SYNPR: variants seen among roughly 807,000 people sequenced by gnomAD.
The protein encoded by SYNPR is synaptoporin.
Under a neutral mutation model 32.9 loss-of-function variants are expected in SYNPR, and 23 were observed. That is an observed-to-expected ratio of 0.70 (90% CI 0.50 to 0.99). The LOEUF (loss-of-function observed/expected upper bound fraction) is 0.99. Among genes scored for constraint, SYNPR ranks in the 50% least tolerant of loss-of-function variants. The pLI, the probability that SYNPR is intolerant of heterozygous loss-of-function variation, is 0.00. For synonymous variants in SYNPR, 146 were observed against 135.9 expected (o/e 1.07, Z -0.52); for missense variants, 318 against 349.3 (o/e 0.91, Z 0.71).
chr3:63,445,757 G>A (rs928671915), intron 2 of SYNPR, among the ~76,000 whole-genome samples: 3 of 152,094 alleles, frequency 2.0e-5, no homozygotes, highest in Non-Finnish European at 2.9e-5. Context: ...GATGAGTCTC[G>A]GAACCAGGCA....
intron 3 of SYNPR, among the ~76,000 whole-genome samples, chr3:63,481,485 T>G (rs1307669327): frequency 6.7e-6 from 1 of 148,842 alleles, no homozygotes; most frequent in Non-Finnish European, 1.5e-5. Flanking sequence ...ACATATAAAG[T>G]GAACTGTTCC....
intron 2 of SYNPR, among the ~76,000 whole-genome samples, chr3:63,296,114 G>A (rs17310722): frequency 6.6e-6 from 1 of 152,030 alleles, no homozygotes; most frequent in African/African-American, 2.4e-5. Context: ...AGTGATAAGA[G>A]GTGTGGCATA....
chr3:63,424,108 T>G (rs1404804873), intron 2 of SYNPR, among the ~76,000 whole-genome samples: 1 of 152,202 alleles, frequency 6.6e-6, no homozygotes. Context: ...GAATAAATTA[T>G]GAGCTTAAGT....
Position 63,564,195 on chromosome 3 carries a change from C to CTTT in SYNPR, c.408+7467_408+7469dup, listed in dbSNP as rs151331065. Among the ~76,000 whole-genome samples, 494 of 137,712 alleles carry CTTT rather than the reference C, an allele frequency of 3.6e-3. 5 individuals are homozygous for CTTT. Among genetic ancestry groups the CTTT allele is most frequent in the African/African-American group, 0.012 (466 of 37,312 alleles). 90.3% of individuals were successfully genotyped at this position (137,712 alleles called of 152,430 possible). Reference sequence around the variant, plus strand: ...GTGGGTGGGGTGTGTGTGTGTCTTTCTTTTTTTTTTTTTTTGAGACAGAGT... The same window carrying CTTT: ...GTGGGTGGGGTGTGTGTGTGTCTTTCTTTTTTTTTTTTTTTTTTGAGACAGAGT... On this transcript the variant is annotated intron_variant, in intron 4 of 5. Transcript: ENST00000478300.
chr3:63,384,572 A>G (rs2088017372), intron 2 of SYNPR, among the ~76,000 whole-genome samples: 1 of 152,238 alleles, frequency 6.6e-6, no homozygotes, highest in Admixed American at 6.5e-5. Flanking sequence ...AACGAACAAT[A>G]TGTGCTGACT....
At chr3:63,377,049 G>A (rs1045338793) in intron 2 of SYNPR, among the ~76,000 whole-genome samples, 1 of 151,974 alleles carries the variant, frequency 6.6e-6, no homozygotes, top group African/African-American at 2.4e-5. Flanking sequence ...TTTTTCCCAA[G>A]TACAACTGAT....
At chr3:63,498,922 C>A (rs977101670) in intron 3 of SYNPR, among the ~76,000 whole-genome samples, 2 of 146,694 alleles carry the variant, frequency 1.4e-5, no homozygotes, top group African/African-American at 2.5e-5. Flanking sequence ...AAGACCAGCC[C>A]GGGCAACATA....
At chr3:63,245,463 T>C (rs947779769) in intron 1 of SYNPR, among the ~76,000 whole-genome samples, 5 of 152,006 alleles carry the variant, frequency 3.3e-5, no homozygotes, top group African/African-American at 9.7e-5. Context: ...TGGGCATTTT[T>C]GGTGATAGAA....
rs67609911 is a variant in SYNPR, at chr3:63,350,213, TACACACACACAC to T, written c.84+71489_84+71500del. Among the ~76,000 whole-genome samples the T allele has an allele frequency of 3.5e-5, 5 of 144,732 alleles. No individual in the cohort carries two copies. The South Asian group carries it at 8.6e-4, about 25-fold the overall frequency. 94.9% of individuals were successfully genotyped at this position (144,732 alleles called of 152,430 possible). A position where few individuals can be genotyped will look rare whatever the true frequency, so the allele number is the denominator to read the frequency against. ...AAACAGGTAGAGGTTAATATTATTC[TACACACACACAC>T]ACACACACACACACACATACAAACA... On this transcript the variant is annotated intron_variant, in intron 2 of 5. Coordinates refer to ENST00000478300, the MANE Select transcript of SYNPR (RefSeq NM_001130003.2).
rs1356292972 is a variant in SYNPR at position 63,591,240 on chromosome 3, A to C, written c.409-17885A>C. 1.0e-3 allele frequency among the ~76,000 whole-genome samples: 137 copies of C among 133,318 alleles called. 1 individual carries two copies. The highest frequency in any genetic ancestry group is 3.8e-3 in the African/African-American group (130 of 34,120). 87.5% of individuals were successfully genotyped at this position (133,318 alleles called of 152,430 possible). ...ATCACTGGCCATCAGAGAAATGCAA[A>C]TCAAAACCACTATGAGATATCATCT... On this transcript the variant is annotated intron_variant, in intron 4 of 5. Coordinates refer to ENST00000478300, the MANE Select transcript of SYNPR (RefSeq NM_001130003.2).
chr3:63,450,697 A>G (rs1700363449), intron 2 of SYNPR, among the ~76,000 whole-genome samples: 1 of 152,168 alleles, frequency 6.6e-6, no homozygotes, highest in African/African-American at 2.4e-5. Context: ...GGTGGCTCTT[A>G]GAAGACTGGT....
chr3:63,538,676 T>C (rs1340714141), intron 3 of SYNPR, among the ~76,000 whole-genome samples: 3 of 152,012 alleles, frequency 2.0e-5, no homozygotes, highest in African/African-American at 7.2e-5. Context: ...AAGAGAAGGC[T>C]TCCTCCACGT....
rs1559510421 is a variant in SYNPR, at chr3:63,476,151, G to GGA, written c.85-4681_85-4680insGA. Among the ~76,000 whole-genome samples the GGA allele has an allele frequency of 2.7e-4, 8 of 29,618 alleles. 1 individual carries two copies. Among genetic ancestry groups the GGA allele is most frequent in the East Asian group, 9.8e-4 (1 of 1,018 alleles). The allele number at this position is 29,618 out of a possible 152,430, so 19.4% of individuals were successfully genotyped here. On this transcript the variant is annotated intron_variant, in intron 2 of 5. Transcript: ENST00000478300. ...GAAGGAAGGAAGGAAGGAAGGAAGG[G>GGA]AGGGAGGGAGGGAGGGAGGGAGGGA...
At chr3:63,509,621 T>C (rs902608574) in intron 3 of SYNPR, among the ~76,000 whole-genome samples, 15 of 152,002 alleles carry the variant, frequency 9.9e-5, no homozygotes, top group Non-Finnish European at 2.1e-4. Flanking sequence ...CTCAACGTCT[T>C]TAGTTATACT....
intron 2 of SYNPR, among the ~76,000 whole-genome samples, chr3:63,403,311 TAG>T (rs2088316364): frequency 6.6e-6 from 1 of 152,068 alleles, no homozygotes; most frequent in Non-Finnish European, 1.5e-5. Flanking sequence ...CATTAAATAA[TAG>T]AGTCCACGAA....
intron 4 of SYNPR, among the ~76,000 whole-genome samples, chr3:63,566,844 GT>G: frequency 6.6e-6 from 1 of 152,278 alleles, no homozygotes; most frequent in Admixed American, 6.5e-5. Flanking sequence ...CACTCAGCAG[GT>G]GCTAACTAAT....
intron 2 of SYNPR, among the ~76,000 whole-genome samples, chr3:63,387,033 A>ACTTCTCTT: frequency 6.6e-6 from 1 of 152,340 alleles, no homozygotes; most frequent in Admixed American, 6.5e-5. Context: ...TCTTATCAGG[A>ACTTCTCTT]AAATTGCCTT....
chr3:63,552,436 G>A lies in SYNPR; in HGVS notation c.210-4107G>A, dbSNP rs140095058. ...GCTCTATGATATAACCATAATGAAT[G>A]CTTCTGTTGTCCTGAATTTTGTTGG... On this transcript the variant is annotated intron_variant, in intron 3 of 5. Coordinates refer to ENST00000478300, the MANE Select transcript of SYNPR (RefSeq NM_001130003.2). Among the ~76,000 whole-genome samples the A allele has an allele frequency of 9.4e-4, 143 of 152,252 alleles. 1 individual carries two copies. The highest frequency in any genetic ancestry group is 3.3e-3 in the African/African-American group (137 of 41,542).
chr3:63,593,003 C>T (rs1260187308), intron 4 of SYNPR, among the ~76,000 whole-genome samples: 1 of 152,018 alleles, frequency 6.6e-6, no homozygotes. Context: ...AATTCGACCT[C>T]AGGACTGCCT....
Sources: allele counts gnomAD v4.1 joint callset (sites outside exome capture counted in the v4.1 genomes callset), GRCh38; gene constraint gnomAD v4.1.1; transcripts MANE v1.5; gene names NCBI Gene and HGNC (gene_info 2026-07-23, HGNC 2026-07-21).